The following TYW1B variants were observed in gnomAD, a reference collection of about 807,000 sequenced individuals.
TYW1B encodes S-adenosyl-L-methionine-dependent tRNA 4-demethylwyosine synthase TYW1B.
A neutral mutation model predicts 86.9 loss-of-function variants in TYW1B; 73 were observed. The ratio of observed to expected loss-of-function variants is 0.84; its 90% CI spans 0.70 to 1.02. The LOEUF (loss-of-function observed/expected upper bound fraction) is 1.02, where lower values mean the gene tolerates loss of function less well. Ranked by LOEUF, TYW1B falls within the 50% of genes least tolerant of loss-of-function variation. The pLI, the probability that TYW1B is intolerant of heterozygous loss-of-function variation, is 0.00. For missense variants in TYW1B, 637 were observed against 827.4 expected (o/e 0.77, Z 2.82); for synonymous variants, 248 against 292.8 (o/e 0.85, Z 1.56).
intron 11 of TYW1B, among the ~76,000 whole-genome samples, chr7:72,647,717 C>T (rs1812962748): frequency 1.3e-5 from 2 of 151,196 alleles, no homozygotes; most frequent in Non-Finnish European, 2.9e-5. Flanking sequence ...GACAGTTTTG[C>T]TCTGTCGCCC....
rs1786858221 is a variant in TYW1B, at chr7:72,719,652, A to AC, written c.1193-5855_1193-5854insG. Among the ~76,000 whole-genome samples the AC allele has an allele frequency of 2.0e-5, 3 of 150,548 alleles. No individual in the cohort carries two copies. The South Asian group carries it at 6.3e-4, about 31-fold the overall frequency. On this transcript the variant is annotated intron_variant, in intron 9 of 13. Coordinates refer to ENST00000620995, the MANE Select transcript of TYW1B (RefSeq NM_001145440.3). ...TCTCCAAAAAAAAAAAAAAAAAAAA[A>AC]AGAAGGTGATAGGCACGTGGAGAAG...
chr7:72,758,976 C>T (rs962857410), intron 7 of TYW1B, among the ~76,000 whole-genome samples: 4 of 152,184 alleles, frequency 2.6e-5, no homozygotes, highest in South Asian at 2.1e-4. Context: ...ATGCTTCTTT[C>T]GGAAAACTTT....
chr7:72,629,476 G>C (rs868956571), intron 11 of TYW1B, among the ~76,000 whole-genome samples: 3 of 152,270 alleles, frequency 2.0e-5, no homozygotes, highest in Middle Eastern at 6.8e-3. Flanking sequence ...GGCAGAAAAG[G>C]TACATGGATG....
chr7:72,696,888 T>C (rs1471376067), intron 10 of TYW1B, among the ~76,000 whole-genome samples: 1 of 152,178 alleles, frequency 6.6e-6, no homozygotes, highest in Non-Finnish European at 1.5e-5. Flanking sequence ...GTTCAGGTAA[T>C]GTGTCACTAC....
intron 11 of TYW1B, among the ~76,000 whole-genome samples, chr7:72,665,205 A>T (rs782149385): frequency 5.3e-5 from 8 of 152,252 alleles, no homozygotes; most frequent in Non-Finnish European, 1.0e-4. Context: ...AAAAGAAAGA[A>T]GATGTGCCCT....
At chr7:72,807,459 G>C in intron 4 of TYW1B, 103 bp from the exon 5 acceptor site, 4 of 1,441,196 alleles carry the variant, frequency 2.8e-6, no homozygotes, top group South Asian at 1.4e-5. Context: ...CCTGGTCATG[G>C]GCTACCACTA....
At chr7:72,674,463 C>G (rs1737178220) in intron 11 of TYW1B, among the ~76,000 whole-genome samples, 1 of 151,912 alleles carries the variant, frequency 6.6e-6, no homozygotes. Context: ...TGGATTCCTC[C>G]TATAGGTTTC....
chr7:72,782,941 A>C (rs1450036185), intron 6 of TYW1B, among the ~76,000 whole-genome samples: 1 of 152,186 alleles, frequency 6.6e-6, no homozygotes, highest in Non-Finnish European at 1.5e-5. Context: ...CTAGACAGTT[A>C]ACCTGGCTAG....
chr7:72,595,645 T>C (rs1301839778), intron 13 of TYW1B, among the ~76,000 whole-genome samples: 2 of 152,074 alleles, frequency 1.3e-5, no homozygotes, highest in African/African-American at 4.8e-5. Context: ...ACCGTGCCAC[T>C]GCACTAGAGC....
intron 7 of TYW1B, among the ~76,000 whole-genome samples, chr7:72,766,132 T>C (rs1554468296): frequency 6.6e-6 from 1 of 152,218 alleles, no homozygotes; most frequent in African/African-American, 2.4e-5. Context: ...CCTGGATAAA[T>C]TCCTCTGGGA....
chr7:72,615,957 TA>T (rs782438903), intron 13 of TYW1B, among the ~76,000 whole-genome samples: 1 of 151,612 alleles, frequency 6.6e-6, no homozygotes, highest in Admixed American at 6.6e-5. Context: ...GCAAGAGATA[TA>T]AAAAAATAAA....
intron 11 of TYW1B, 83 bp from the exon 12 acceptor site, chr7:72,629,080 C>T (rs1334225373): frequency 7.3e-7 from 1 of 1,379,092 alleles, no homozygotes; most frequent in Non-Finnish European, 9.8e-7. Flanking sequence ...GCTTTTTCAA[C>T]CCAGAGAACC....
chr7:72,680,626 A>G (rs1290752606), intron 11 of TYW1B, among the ~76,000 whole-genome samples: 1 of 152,190 alleles, frequency 6.6e-6, no homozygotes, highest in East Asian at 1.9e-4. Context: ...TGATAGTGCG[A>G]GTCAATTCTC....
At chr7:72,734,268 A>AACAAAAAAAAAAAAC (rs1787162773) in intron 8 of TYW1B, among the ~76,000 whole-genome samples, 1 of 98,094 alleles carries the variant, frequency 1.0e-5, no homozygotes, top group Non-Finnish European at 2.1e-5. Context: ...AAAAAAAAAA[A>AACAAAAAAAAAAAAC]ACACAACAAA....
chr7:72,817,500 TATC>T, intron 2 of TYW1B, among the ~76,000 whole-genome samples: 1 of 152,064 alleles, frequency 6.6e-6, no homozygotes, highest in Non-Finnish European at 1.5e-5. Context: ...CCCCTCCAAA[TATC>T]ATTAACACGT....
At chr7:72,687,768 G>A (rs73356404) in intron 11 of TYW1B, among the ~76,000 whole-genome samples, 2,123 of 151,930 alleles carry the variant, frequency 0.014, 54 homozygotes, top group African/African-American at 0.048. Context: ...TAAAAATATA[G>A]TTGAAGGCCA....
rs542306711 is a variant in TYW1B, at chr7:72,640,742, A to G, written c.1507-11745T>C. On this transcript the variant is annotated intron_variant, in intron 11 of 13. Transcript: ENST00000620995. ...GCCATAGTCACAATGGAACATTTGT[A>G]CACATCTCTCTCAGTAACCAATAAC... Among the ~76,000 whole-genome samples the G allele has an allele frequency of 2.0e-5, 3 of 152,216 alleles. No homozygotes were observed. The South Asian group carries it at 6.2e-4, about 32-fold the overall frequency.
At chr7:72,801,820 C>T (rs1788407849) in intron 6 of TYW1B, among the ~76,000 whole-genome samples, 1 of 152,110 alleles carries the variant, frequency 6.6e-6, no homozygotes, top group Non-Finnish European at 1.5e-5. Flanking sequence ...GGCTGCCATC[C>T]TTAAGCCCCA....
At chr7:72,729,805 C>T (rs1272280581) in intron 8 of TYW1B, among the ~76,000 whole-genome samples, 1 of 152,142 alleles carries the variant, frequency 6.6e-6, no homozygotes, top group Non-Finnish European at 1.5e-5. Context: ...ACTGAAGACA[C>T]TACCCCCATA....
Sources: gnomAD v4.1 joint callset for allele counts (sites outside exome capture counted in the v4.1 genomes callset) on GRCh38, gnomAD v4.1.1 for gene constraint, MANE v1.5 for transcripts, NCBI Gene and HGNC (gene_info 2026-07-23, HGNC 2026-07-21) for gene names.